Variants in FBF1 observed in about 807,000 individuals in gnomAD.
The protein encoded by FBF1 is Fas binding factor 1.
Under a neutral mutation model 147.2 loss-of-function variants are expected in FBF1, and 119 were observed. The observed-to-expected ratio is 0.81, with a 90% CI of 0.70 to 0.94. FBF1 has a LOEUF of 0.94. Ranked by LOEUF, FBF1 falls within the 40% of genes least tolerant of loss-of-function variation. The pLI is 0.00. For missense variants in FBF1, 1,449 were observed against 1,500.8 expected (o/e 0.97, Z 0.57); for synonymous variants, 601 against 609.0 (o/e 0.99, Z 0.19).
At chr17:75,931,420 A>T in intron 5 of FBF1, 131 bp from the exon 6 acceptor site, 1 of 713,138 alleles carries the variant, frequency 1.4e-6, no homozygotes, top group Non-Finnish European at 2.4e-6. Context: ...GCTAAAAGGA[A>T]TGTCACAGGC....
In FBF1 at chr17:75,918,251, C is replaced by T; in HGVS notation, c.2157G>A (p.Met719Ile). The change falls in exon 21 of 30, where the codon ATG becomes ATA. Residue 719 changes from methionine (M) to isoleucine (I), a missense_variant. By Grantham distance (10) the Met-to-Ile change is conservative. Transcript: ENST00000636174. The surrounding 1 kb of genome is among the most constrained non-coding windows in gnomAD (Gnocchi z 5.8). The part of the protein sequence containing the change: ...RELQRASILD[M>I]RRDHEEQLQR... The stretch of plus-strand genomic sequence containing the variant: ...GCAGCTGCTCCTCGTGGTCTCTGCG[C>T]ATGTCTAGGATGGACGCCCTGAGGG... The T allele has an allele frequency of 3.7e-6, 6 of 1,613,370 alleles. No homozygotes were observed. The highest frequency in any genetic ancestry group is 2.5e-6 in the Non-Finnish European group (3 of 1,179,800).
intron 4 of FBF1, 123 bp downstream of exon 4, chr17:75,935,509 T>C (rs1476084073): frequency 2.0e-6 from 2 of 982,290 alleles, no homozygotes; most frequent in African/African-American, 3.3e-5. Flanking sequence ...TCCCAGCACT[T>C]TGGTTTAGGA....
In FBF1 at chr17:75,935,295, G is replaced by A. The variant is rs1272640486; in HGVS notation, c.73+337C>T. Among the ~76,000 whole-genome samples, 8 of 151,926 alleles carry A rather than the reference G, an allele frequency of 5.3e-5. No individual in the cohort carries two copies. The East Asian group carries it at 1.4e-3, about 26-fold the overall frequency. On this transcript the variant is annotated intron_variant, in intron 4 of 29. Transcript: ENST00000636174. ...TTCTCCTGCCTCAGCTTTCCAAGTA[G>A]GTGGGATTACAGGCGCCCGCCACTA...
chr17:75,924,202 A>T (rs1315319258), intron 13 of FBF1, among the ~76,000 whole-genome samples: 1 of 151,400 alleles, frequency 6.6e-6, no homozygotes. Flanking sequence ...CGACAGAGTG[A>T]GACTCTGTCT....
rs956057261 is a variant in FBF1 at position 75,923,900 on chromosome 17, G to A, written c.969-259C>T. The stretch of plus-strand genomic sequence containing the variant: ...AGAACAGGAACAGGATCAAATGACA[G>A]CCATGGGCACACAGGTCTAAAGAAA... On this transcript the variant is annotated intron_variant, in intron 13 of 29. Coordinates refer to ENST00000636174, the MANE Select transcript of FBF1 (RefSeq NM_001319193.2). This position sits in a 1 kb window ranked among gnomAD's most constrained non-coding sequence, Gnocchi z 4.1. Among the ~76,000 whole-genome samples, 1 of 152,206 alleles carries A rather than the reference G, an allele frequency of 6.6e-6. No homozygotes were observed. Among genetic ancestry groups the A allele is most frequent in the South Asian group, 2.1e-4 (1 of 4,832 alleles).
chr17:75,928,115 G>A lies in FBF1; in HGVS notation c.358C>T (p.Pro120Ser), dbSNP rs2065573444. The change falls in exon 8 of 30, where the codon CCT (proline) becomes TCT (serine). Residue 120 changes from proline to serine, a missense_variant. Transcript: ENST00000636174. This position sits in a 1 kb window ranked among gnomAD's most constrained non-coding sequence, Gnocchi z 4.2. Reference protein sequence around the residue: ...SAPSKKAAKDPGKGELPNHPK... With the variant: ...SAPSKKAAKDSGKGELPNHPK... ...TGGTTGGGCAGCTCTCCTTTCCCAG[G>A]GTCCTTTGCAGCTTTTTTGCTAGGG... The A allele has an allele frequency of 6.2e-7, 1 of 1,613,558 alleles. No homozygotes were observed. Among genetic ancestry groups the A allele is most frequent in the Admixed American group, 1.7e-5 (1 of 59,984 alleles).
chr17:75,909,670 G>A lies in FBF1; in HGVS notation c.*1053C>T, dbSNP rs1433602739. 1.8e-6 allele frequency: 1 copy of A among 570,784 alleles called. No homozygotes were observed. The highest frequency in any genetic ancestry group is 2.8e-5 in the East Asian group (1 of 35,760). The allele number at this position is 570,784 out of a possible 1,614,324, so 35.4% of individuals were successfully genotyped here. On this transcript the variant is annotated 3_prime_UTR_variant, in exon 30 of 30. Coordinates refer to ENST00000636174, the MANE Select transcript of FBF1 (RefSeq NM_001319193.2). ...CCCTTCTCCTGGCTGTGGTCCAGCT[G>A]CCAGGTGCCACCGCAGACCGCAGGT...
Position 75,925,359 on chromosome 17 carries a change from C to T in FBF1, c.956G>A (p.Arg319Gln), listed in dbSNP as rs185985579. Residue 319 changes from arginine (R) to glutamine (Q), a missense_variant, in exon 13 of 30, where the codon CGG becomes CAG. Physicochemically the swap from Arg to Gln is conservative, Grantham distance 43. Transcript: ENST00000636174. This position sits in a 1 kb window ranked among gnomAD's most constrained non-coding sequence, Gnocchi z 5.0. ...AGGCCCCACTTACCTGACAGACTGCCGGCGGGACTGCCGGCCCTCAGAGGA... is the reference window on the plus strand; with the variant it reads ...AGGCCCCACTTACCTGACAGACTGCTGGCGGGACTGCCGGCCCTCAGAGGA... ...VVSSEGRQSR[R>Q]QSVSRFFADS... 2,175 of 1,612,888 alleles carry T rather than the reference C, an allele frequency of 1.3e-3. 11 individuals carry two copies. Among genetic ancestry groups the T allele is most frequent in the Non-Finnish European group, 1.0e-3 (1,188 of 1,179,590 alleles).
chr17:75,913,943 C>T lies in FBF1; in HGVS notation c.3099G>A (p.Arg1033=). 1 of 1,549,380 alleles carries T rather than the reference C, an allele frequency of 6.5e-7. No individual in the cohort carries two copies. The part of the protein sequence containing the change: ...RLQAVQQQQE[R]LRKQEQHMHQ... ...GCATGTGCTGCTCCTGCTTCCGCAGCCGCTCCTGCTGTTGCTGCACCGCCT... is the reference window on the plus strand; with the variant it reads ...GCATGTGCTGCTCCTGCTTCCGCAGTCGCTCCTGCTGTTGCTGCACCGCCT... The change falls in exon 27 of 30, where the codon CGG becomes CGA. Residue 1033 remains arginine, a synonymous_variant. Coordinates refer to ENST00000636174, the MANE Select transcript of FBF1 (RefSeq NM_001319193.2).
chr17:75,929,537 T>A (rs1194535321), intron 7 of FBF1, among the ~76,000 whole-genome samples: 1 of 152,166 alleles, frequency 6.6e-6, no homozygotes, highest in Non-Finnish European at 1.5e-5. Context: ...ATTATGTCCT[T>A]ACAAATTATT....
chr17:75,923,751 G>A lies in FBF1; in HGVS notation c.969-110C>T. 3.6e-6 allele frequency: 4 copies of A among 1,103,246 alleles called. No homozygotes were observed. The highest frequency in any genetic ancestry group is 5.1e-6 in the Non-Finnish European group (4 of 790,894). 68.3% of individuals were successfully genotyped at this position (1,103,246 alleles called of 1,614,324 possible). A position where few individuals can be genotyped will look rare whatever the true frequency, so the allele number is the denominator to read the frequency against. ...GCCCAGGGACCCTGCACAGTCAGCT[G>A]AGGCCCAGTGAGCAGTGGCTCCTGG... On this transcript the variant is annotated intron_variant, in intron 13 of 29. Transcript: ENST00000636174. The surrounding 1 kb of genome is among the most constrained non-coding windows in gnomAD (Gnocchi z 4.1).
intron 6 of FBF1, among the ~76,000 whole-genome samples, chr17:75,930,592 TCTACTAAAAATACAAAATTAC>T (rs1364627836): frequency 7.9e-5 from 12 of 152,312 alleles, no homozygotes; most frequent in Admixed American, 4.6e-4. Context: ...AAACCCCGTC[TCTACTAAAAATACAAAATTAC>T]CTACTAAAAA....
rs1239304773 is a variant in FBF1, at chr17:75,920,065, G to A, written c.1873C>T (p.Leu625=). The A allele has an allele frequency of 3.8e-6, 6 of 1,598,068 alleles. No individual in the cohort carries two copies. Among genetic ancestry groups the A allele is most frequent in the Non-Finnish European group, 5.1e-6 (6 of 1,173,010 alleles). The change falls in exon 19 of 30, where the codon CTG becomes TTG. Residue 625 remains leucine (L), a synonymous_variant. Transcript: ENST00000636174. The part of the protein sequence containing the change: ...ELERAQHELL[L]GSLQQQHQAD... ...TGGTGCTGCTGCTGCAGACTCCCCAGCAGCAGCTCATGCTGGGCCCGTTCT... is the reference window on the plus strand; with the variant it reads ...TGGTGCTGCTGCTGCAGACTCCCCAACAGCAGCTCATGCTGGGCCCGTTCT...
Position 75,925,865 on chromosome 17 carries a change from GGTAA to G in FBF1, c.868+161_868+164del, listed in dbSNP as rs1425937873. On this transcript the variant is annotated intron_variant, in intron 12 of 29. Transcript: ENST00000636174. The surrounding 1 kb of genome is among the most constrained non-coding windows in gnomAD (Gnocchi z 5.0). ...ACAACTGAGCACGAACAGTGGTCACGGTAAGTATTATTTCACGGTAAGTATTATT... is the reference window on the plus strand; with the variant it reads ...ACAACTGAGCACGAACAGTGGTCACGGTATTATTTCACGGTAAGTATTATT... 6.6e-6 allele frequency among the ~76,000 whole-genome samples: 1 copy of G among 152,218 alleles called. No individual in the cohort carries two copies. Among genetic ancestry groups the G allele is most frequent in the African/African-American group, 2.4e-5 (1 of 41,464 alleles).
At chr17:75,940,377 C>A (rs907535715) in intron 1 of FBF1, among the ~76,000 whole-genome samples, 4 of 152,104 alleles carry the variant, frequency 2.6e-5, no homozygotes, top group Non-Finnish European at 5.9e-5. Context: ...GTCAGCCTCC[C>A]TAGCAGCTGG....
At position 75,910,623 on chromosome 17, in the gene FBF1, C is replaced by A. The variant is rs2065451258; in HGVS notation, c.*100G>T. 3 of 1,046,464 alleles carry A rather than the reference C, an allele frequency of 2.9e-6. No homozygotes were observed. Among genetic ancestry groups the A allele is most frequent in the Admixed American group, 4.4e-5 (2 of 45,404 alleles). 64.8% of individuals were successfully genotyped at this position (1,046,464 alleles called of 1,614,324 possible). Reference sequence around the variant, plus strand: ...AGAGCTGTCATCAGGCCTCAAGCATCTCAGAATCCTCCCCAGGCACTGCCT... The same window carrying A: ...AGAGCTGTCATCAGGCCTCAAGCATATCAGAATCCTCCCCAGGCACTGCCT... On this transcript the variant is annotated 3_prime_UTR_variant, in exon 30 of 30. Transcript: ENST00000636174. This position sits in a 1 kb window ranked among gnomAD's most constrained non-coding sequence, Gnocchi z 4.1.
chr17:75,918,265 A>G lies in FBF1; in HGVS notation c.2143T>C (p.Ser715Pro), dbSNP rs1598153774. 1 of 1,612,048 alleles carries G rather than the reference A, an allele frequency of 6.2e-7. No homozygotes were observed. Among genetic ancestry groups the G allele is most frequent in the Non-Finnish European group, 8.5e-7 (1 of 1,178,998 alleles). ...MERLRELQRASILDMRRDHEE... is the reference protein window; with the variant it reads ...MERLRELQRAPILDMRRDHEE... ...TGGTCTCTGCGCATGTCTAGGATGGACGCCCTGAGGGGAGGCGGGAGGGGA... is the reference window on the plus strand; with the variant it reads ...TGGTCTCTGCGCATGTCTAGGATGGGCGCCCTGAGGGGAGGCGGGAGGGGA... The change falls in exon 21 of 30, where the codon TCC becomes CCC. Residue 715 changes from serine to proline, a missense_variant. Physicochemically the swap from Ser to Pro is moderately conservative, Grantham distance 74. Transcript: ENST00000636174. This position sits in a 1 kb window ranked among gnomAD's most constrained non-coding sequence, Gnocchi z 5.8.
rs1305896274 is a variant in FBF1, at chr17:75,934,822, T to G, written c.73+810A>C. On this transcript the variant is annotated intron_variant, in intron 4 of 29. Coordinates refer to ENST00000636174, the MANE Select transcript of FBF1 (RefSeq NM_001319193.2). The stretch of plus-strand genomic sequence containing the variant: ...TGAACCTGGGAGGTGGAGGTTGCGG[T>G]GAGCCGAGATTGCGCCATTGCACTC... Among the ~76,000 whole-genome samples the G allele has an allele frequency of 8.0e-5, 11 of 137,264 alleles. No homozygotes were observed. In the East Asian group the frequency reaches 2.4e-3, roughly 30 times the overall value. 90.1% of individuals were successfully genotyped at this position (137,264 alleles called of 152,430 possible).
intron 2 of FBF1, 152 bp from the exon 3 acceptor site, chr17:75,937,745 T>C: frequency 4.8e-6 from 4 of 824,996 alleles, no homozygotes; most frequent in South Asian, 1.5e-5. Context: ...TATGTGTTCC[T>C]ATAGTTTCTG....
Sources: allele counts gnomAD v4.1 joint callset (sites outside exome capture counted in the v4.1 genomes callset), GRCh38; gene constraint gnomAD v4.1.1; non-coding constraint Gnocchi (gnomAD v3.1); transcripts MANE v1.5; gene names NCBI Gene and HGNC (gene_info 2026-07-23, HGNC 2026-07-21).